RALGAPA2: variants seen among roughly 807,000 people sequenced by gnomAD.
RALGAPA2 encodes Ral GTPase activating protein catalytic subunit alpha 2.
Under a neutral mutation model 230.4 loss-of-function variants are expected in RALGAPA2, and 139 were observed. The ratio of observed to expected loss-of-function variants is 0.60; its 90% CI spans 0.53 to 0.69. The LOEUF is 0.69. Ranked by LOEUF, RALGAPA2 falls within the 30% of genes least tolerant of loss-of-function variation. The pLI, the probability that RALGAPA2 is intolerant of heterozygous loss-of-function variation, is 0.00. For synonymous variants in RALGAPA2, 847 were observed against 837.8 expected, an observed-to-expected ratio of 1.01 and a Z score of -0.19; for missense variants, 2,163 against 2,276.0, an observed-to-expected ratio of 0.95 and a Z score of 1.01.
chr20:20,444,582 C>T (rs993204391), intron 37 of RALGAPA2, among the ~76,000 whole-genome samples: 3 of 152,188 alleles, frequency 2.0e-5, no homozygotes, highest in South Asian at 4.1e-4. Context: ...TTTCCAGACA[C>T]TCTCCCCCTT....
At chr20:20,663,835 A>C (rs1473771299) in intron 3 of RALGAPA2, among the ~76,000 whole-genome samples, 1 of 152,000 alleles carries the variant, frequency 6.6e-6, no homozygotes, top group African/African-American at 2.4e-5. Context: ...CAAGCAATCC[A>C]CCTGCCTCAG....
intron 3 of RALGAPA2, among the ~76,000 whole-genome samples, chr20:20,675,485 C>T (rs538755279): frequency 8.5e-5 from 13 of 152,156 alleles, no homozygotes; most frequent in Non-Finnish European, 1.8e-4. Context: ...TATCTTCTCA[C>T]ACTAACCTAA....
chr20:20,709,292 G>A (rs142981148), intron 1 of RALGAPA2, among the ~76,000 whole-genome samples: 66 of 151,854 alleles, frequency 4.3e-4, no homozygotes, highest in African/African-American at 1.4e-3. Flanking sequence ...GCACTCCAGC[G>A]TGGGTAACAG....
intron 1 of RALGAPA2, among the ~76,000 whole-genome samples, chr20:20,695,951 T>C (rs1222800225): frequency 1.3e-5 from 2 of 151,978 alleles, no homozygotes; most frequent in Admixed American, 6.5e-5. Flanking sequence ...CTCATTCTTC[T>C]CCAGCCACTG....
At chr20:20,582,388 G>A (rs2065014413) in intron 20 of RALGAPA2, among the ~76,000 whole-genome samples, 1 of 152,096 alleles carries the variant, frequency 6.6e-6, no homozygotes, top group Non-Finnish European at 1.5e-5. Context: ...TTCCTCGGAG[G>A]TGCCTGGAAG....
intron 33 of RALGAPA2, among the ~76,000 whole-genome samples, chr20:20,509,108 T>C (rs913636561): frequency 5.3e-5 from 8 of 152,230 alleles, no homozygotes; most frequent in Non-Finnish European, 1.2e-4. Context: ...ACTGCTTATT[T>C]AATACTGAAG....
At chr20:20,662,577 T>A (rs116716380) in intron 3 of RALGAPA2, among the ~76,000 whole-genome samples, 223 of 152,308 alleles carry the variant, frequency 1.5e-3, no homozygotes, top group African/African-American at 5.2e-3. Flanking sequence ...CCAAGTATTG[T>A]TAATCACTAA....
At chr20:20,396,663 G>C (rs1293711982) in intron 39 of RALGAPA2, 32 bp downstream of exon 39, 12 of 1,585,592 alleles carry the variant, frequency 7.6e-6, no homozygotes, top group Non-Finnish European at 1.0e-5. Context: ...AAGCAGGGTG[G>C]CTGGACAAAT....
At chr20:20,595,870 C>CTGGG (rs2065438670) in intron 16 of RALGAPA2, among the ~76,000 whole-genome samples, 1 of 152,020 alleles carries the variant, frequency 6.6e-6, no homozygotes, top group African/African-American at 2.4e-5. Context: ...ATTGCTTGAA[C>CTGGG]TGGGACCTGG....
In RALGAPA2 at chr20:20,524,868, G is replaced by C. The variant is rs757171932; in HGVS notation, c.3724C>G (p.Pro1242Ala). The C allele has an allele frequency of 1.9e-6, 3 of 1,609,256 alleles. No individual in the cohort carries two copies. Among genetic ancestry groups the C allele is most frequent in the Non-Finnish European group, 1.7e-6 (2 of 1,177,808 alleles). The change falls in exon 29 of 40, where the codon CCA (proline) becomes GCA (alanine). Residue 1242 changes from proline to alanine, a missense_variant. Transcript: ENST00000202677. ...TCCACTGAGGAGTACTCTGCACTTG[G>C]TAAAAGAAAAGCAACTGTGGCCACG... ...ILVATVAFLL[P>A]SAEYSSVETD...
chr20:20,559,353 G>A (rs906269304), intron 23 of RALGAPA2, among the ~76,000 whole-genome samples: 1 of 152,118 alleles, frequency 6.6e-6, no homozygotes, highest in East Asian at 1.9e-4. Flanking sequence ...TAGACAAAGA[G>A]CTCTCAAGAA....
chr20:20,685,902 T>C (rs1428447781), intron 1 of RALGAPA2, among the ~76,000 whole-genome samples: 1 of 152,070 alleles, frequency 6.6e-6, no homozygotes, highest in Non-Finnish European at 1.5e-5. Flanking sequence ...CTTACTACTA[T>C]TACAGAACTC....
At position 20,472,867 on chromosome 20, in the gene RALGAPA2, G is replaced by A. The variant is rs2061570127; in HGVS notation, c.5457C>T (p.Ser1819=). 1.2e-6 allele frequency: 2 copies of A among 1,613,622 alleles called. No individual in the cohort carries two copies. The highest frequency in any genetic ancestry group is 1.7e-6 in the Non-Finnish European group (2 of 1,179,668). ...SLVCATCINA[S]RAVKCLIPLY... ...GTGGGATGAGGCACTTCACAGCCCT[G>A]CTGGCGTTGATGCACGTGGCACATA... The change falls in exon 37 of 40, where the codon AGC becomes AGT. Residue 1819 remains serine, a synonymous_variant. Coordinates refer to ENST00000202677, the MANE Select transcript of RALGAPA2 (RefSeq NM_020343.4).
At chr20:20,458,410 T>C (rs2061174464) in intron 37 of RALGAPA2, among the ~76,000 whole-genome samples, 1 of 143,732 alleles carries the variant, frequency 7.0e-6, no homozygotes, top group African/African-American at 2.6e-5. Context: ...ATATAATATA[T>C]GTTATATATA....
At chr20:20,707,248 C>T (rs2069643711) in intron 1 of RALGAPA2, among the ~76,000 whole-genome samples, 1 of 152,174 alleles carries the variant, frequency 6.6e-6, no homozygotes, top group Admixed American at 6.5e-5. Context: ...GCTAGCAGGG[C>T]CAATGGAGCA....
chr20:20,529,828 C>G (rs1481023710), intron 27 of RALGAPA2, among the ~76,000 whole-genome samples: 2 of 152,196 alleles, frequency 1.3e-5, no homozygotes, highest in South Asian at 2.1e-4. Flanking sequence ...ATGCGTGACT[C>G]TGTGTGTCTG....
intron 14 of RALGAPA2, among the ~76,000 whole-genome samples, chr20:20,608,644 A>T (rs1052723896): frequency 1.3e-5 from 2 of 152,228 alleles, no homozygotes; most frequent in African/African-American, 4.8e-5. Flanking sequence ...GATCAAATGA[A>T]TACTAATTAG....
At chr20:20,541,641 G>T (rs928519337) in intron 24 of RALGAPA2, among the ~76,000 whole-genome samples, 1 of 152,164 alleles carries the variant, frequency 6.6e-6, no homozygotes, top group Admixed American at 6.5e-5. Flanking sequence ...ACTCAGAATG[G>T]GGTGCAATGT....
At chr20:20,480,324 C>A (rs982408446) in intron 36 of RALGAPA2, among the ~76,000 whole-genome samples, 1 of 152,168 alleles carries the variant, frequency 6.6e-6, no homozygotes, top group African/African-American at 2.4e-5. Flanking sequence ...GTAAGGCACA[C>A]GGGACCAGTG....
Sources: gnomAD v4.1 joint callset for allele counts (sites outside exome capture counted in the v4.1 genomes callset) on GRCh38, gnomAD v4.1.1 for gene constraint, MANE v1.5 for transcripts, NCBI Gene and HGNC (gene_info 2026-07-23, HGNC 2026-07-21) for gene names.